ADAMTS6: variants seen among roughly 807,000 people sequenced by gnomAD.
The protein encoded by ADAMTS6 is ADAM metallopeptidase with thrombospondin type 1 motif 6, also known as A disintegrin and metalloproteinase with thrombospondin motifs 6.
In ADAMTS6, 23 loss-of-function variants were observed where a neutral mutation model predicts 144.3. The ratio of observed to expected loss-of-function variants is 0.16; its 90% CI spans 0.11 to 0.23. The LOEUF is 0.23. Ranked by LOEUF, ADAMTS6 falls within the 10% of genes least tolerant of loss-of-function variation. The pLI is 1.00. For missense variants in ADAMTS6, 999 were observed against 1,379.6 expected, an observed-to-expected ratio of 0.72 and a Z score of 4.37; for synonymous variants, 444 against 457.5, an observed-to-expected ratio of 0.97 and a Z score of 0.38.
intron 7 of ADAMTS6, among the ~76,000 whole-genome samples, chr5:65,432,842 C>T (rs1019611643): frequency 2.0e-5 from 3 of 152,076 alleles, no homozygotes; most frequent in South Asian, 4.1e-4. Flanking sequence ...ACCCAGTAAG[C>T]TCATTCTTTA....
At chr5:65,248,298 T>C (rs1249696630) in intron 14 of ADAMTS6, among the ~76,000 whole-genome samples, 4 of 152,178 alleles carry the variant, frequency 2.6e-5, no homozygotes, top group Non-Finnish European at 4.4e-5. Context: ...TGATTTTTTT[T>C]CACTATATAT....
At chr5:65,235,398 G>A (rs759471965) in intron 15 of ADAMTS6, among the ~76,000 whole-genome samples, 1 of 152,178 alleles carries the variant, frequency 6.6e-6, no homozygotes, top group African/African-American at 2.4e-5. Flanking sequence ...CTGTTGTGAT[G>A]GTTAATACAG....
chr5:65,192,435 G>T (rs1190914818), intron 21 of ADAMTS6, among the ~76,000 whole-genome samples: 1 of 151,758 alleles, frequency 6.6e-6, no homozygotes, highest in Non-Finnish European at 1.5e-5. Flanking sequence ...TCACCTCTCT[G>T]GTTTTCACAA....
intron 22 of ADAMTS6, among the ~76,000 whole-genome samples, chr5:65,181,119 A>C (rs1561255193): frequency 6.6e-6 from 1 of 152,226 alleles, no homozygotes. Context: ...TCTAATACTA[A>C]TTCTTACTAA....
intron 9 of ADAMTS6, among the ~76,000 whole-genome samples, chr5:65,320,747 G>A (rs1745536288): frequency 6.6e-6 from 1 of 151,914 alleles, no homozygotes; most frequent in South Asian, 2.1e-4. Flanking sequence ...CCCCCTTTAT[G>A]TGTCCATATG....
At chr5:65,173,279 A>T in intron 22 of ADAMTS6, among the ~76,000 whole-genome samples, 1 of 152,152 alleles carries the variant, frequency 6.6e-6, no homozygotes, top group East Asian at 1.9e-4. Flanking sequence ...TGATTCCTCT[A>T]TTCCTCTCTA....
intron 20 of ADAMTS6, among the ~76,000 whole-genome samples, chr5:65,200,878 T>C (rs1755691143): frequency 6.6e-6 from 1 of 152,202 alleles, no homozygotes; most frequent in Non-Finnish European, 1.5e-5. Flanking sequence ...GCTTATCTTT[T>C]TATTCTTTGA....
At chr5:65,341,709 T>A (rs541361851) in intron 7 of ADAMTS6, among the ~76,000 whole-genome samples, 2 of 152,204 alleles carry the variant, frequency 1.3e-5, no homozygotes, top group South Asian at 4.1e-4. Context: ...AAAAGACTTC[T>A]AAGAAAGAAA....
intron 9 of ADAMTS6, among the ~76,000 whole-genome samples, chr5:65,302,557 T>C (rs1002222297): frequency 2.6e-5 from 4 of 151,904 alleles, no homozygotes; most frequent in Admixed American, 6.6e-5. Context: ...ATATTTGGTA[T>C]TCTAGTCTGA....
chr5:65,265,688 C>G (rs192414617), intron 12 of ADAMTS6, among the ~76,000 whole-genome samples: 1 of 151,602 alleles, frequency 6.6e-6, no homozygotes, highest in Non-Finnish European at 1.5e-5. Context: ...TTTCAAATAA[C>G]ATTAAAGCTT....
chr5:65,375,638 T>A (rs910078675), intron 7 of ADAMTS6, among the ~76,000 whole-genome samples: 6 of 151,912 alleles, frequency 3.9e-5, no homozygotes, highest in Non-Finnish European at 8.8e-5. Flanking sequence ...TGTGGAGAAA[T>A]AGGAACACTT....
chr5:65,335,982 G>C (rs1747269997), intron 7 of ADAMTS6, among the ~76,000 whole-genome samples: 1 of 152,006 alleles, frequency 6.6e-6, no homozygotes, highest in South Asian at 2.1e-4. Flanking sequence ...GAAAAGAATA[G>C]AGTATTCAAA....
At chr5:65,385,902 AATTTACCACTGCTT>A (rs1403304427) in intron 7 of ADAMTS6, among the ~76,000 whole-genome samples, 1 of 152,206 alleles carries the variant, frequency 6.6e-6, no homozygotes, top group Admixed American at 6.5e-5. Context: ...TGGTCATTAC[AATTTACCACTGCTT>A]ATTTTGGCTG....
intron 9 of ADAMTS6, among the ~76,000 whole-genome samples, chr5:65,326,448 G>T (rs1217881899): frequency 6.6e-6 from 1 of 152,084 alleles, no homozygotes; most frequent in African/African-American, 2.4e-5. Flanking sequence ...AATAAAAGTG[G>T]TCACTAAGGC....
chr5:65,276,851 TTC>T (rs1044475599), intron 11 of ADAMTS6, among the ~76,000 whole-genome samples: 2 of 152,236 alleles, frequency 1.3e-5, no homozygotes, highest in African/African-American at 2.4e-5. Context: ...AAGAATGATT[TTC>T]TTTTTTTCTT....
intron 7 of ADAMTS6, among the ~76,000 whole-genome samples, chr5:65,420,372 T>C (rs111998768): frequency 4.6e-5 from 7 of 152,322 alleles, no homozygotes; most frequent in Non-Finnish European, 1.0e-4. Context: ...TTTTATGGTA[T>C]ATAAATTCGA....
chr5:65,479,563 C>G (rs1580805740), intron 1 of ADAMTS6, among the ~76,000 whole-genome samples: 1 of 151,936 alleles, frequency 6.6e-6, no homozygotes, highest in African/African-American at 2.4e-5. Flanking sequence ...CCACCTCTTC[C>G]CCTCTTTTTC....
intron 7 of ADAMTS6, among the ~76,000 whole-genome samples, chr5:65,397,703 C>T (rs115808993): frequency 3.6e-3 from 541 of 151,412 alleles, no homozygotes; most frequent in African/African-American, 0.012. Context: ...ATGGAGAAAC[C>T]TCGACTCTAC....
chr5:65,233,468 T>C (rs1758417379), intron 15 of ADAMTS6, among the ~76,000 whole-genome samples: 1 of 152,022 alleles, frequency 6.6e-6, no homozygotes, highest in African/African-American at 2.4e-5. Flanking sequence ...CTGTTAAAAC[T>C]AATACAAAAA....
Sources: allele counts gnomAD v4.1 joint callset (sites outside exome capture counted in the v4.1 genomes callset), GRCh38; gene constraint gnomAD v4.1.1; transcripts MANE v1.5; gene names NCBI Gene and HGNC (gene_info 2026-07-23, HGNC 2026-07-21).